The following BEND6 variants were observed in gnomAD, a reference collection of about 807,000 sequenced individuals.
The protein encoded by BEND6 is BEN domain containing 6, also known as BEN domain-containing protein 6.
In BEND6, 24 loss-of-function variants were observed where a neutral mutation model predicts 31.8. That is an observed-to-expected ratio of 0.75 (90% confidence interval 0.55 to 1.06). The LOEUF (loss-of-function observed/expected upper bound fraction) is 1.06. Ranked by LOEUF, BEND6 falls within the 50% of genes least tolerant of loss-of-function variation. The probability of loss-of-function intolerance (pLI) is 0.00; values close to 1 mark genes in which losing one functional copy is unlikely to be tolerated. For synonymous variants in BEND6, 109 were observed against 114.6 expected (o/e 0.95, Z 0.31); for missense variants, 294 against 327.4 (o/e 0.90, Z 0.79).
At chr6:56,987,433 A>T (rs1219829900) in intron 2 of BEND6, among the ~76,000 whole-genome samples, 2 of 152,130 alleles carry the variant, frequency 1.3e-5, no homozygotes, top group African/African-American at 4.8e-5. Flanking sequence ...GCCATTTCCA[A>T]TCTGTGGCCC....
At chr6:56,983,221 CAT>C (rs1471876614) in intron 2 of BEND6, among the ~76,000 whole-genome samples, 1 of 152,062 alleles carries the variant, frequency 6.6e-6, no homozygotes, top group Admixed American at 6.6e-5. Flanking sequence ...TTATAGGAAA[CAT>C]ATAGATAGTA....
chr6:56,998,152 T>A (rs1296533995), intron 3 of BEND6, among the ~76,000 whole-genome samples: 2 of 152,220 alleles, frequency 1.3e-5, no homozygotes, highest in Non-Finnish European at 2.9e-5. Flanking sequence ...TAGCAGGCCT[T>A]CTTGTAAAGC....
chr6:56,957,743 T>TA (rs925384383), intron 1 of BEND6, among the ~76,000 whole-genome samples: 81 of 152,316 alleles, frequency 5.3e-4, no homozygotes, highest in African/African-American at 1.9e-3. Flanking sequence ...TGACTTTTTT[T>TA]ATGAGAGTAA....
chr6:56,969,040 C>T (rs1825593325), intron 1 of BEND6, among the ~76,000 whole-genome samples: 1 of 151,358 alleles, frequency 6.6e-6, no homozygotes, highest in Non-Finnish European at 1.5e-5. Context: ...CGCCACTGCA[C>T]TCCAGCCTGG....
chr6:57,003,980 C>G (rs543999414), intron 3 of BEND6, among the ~76,000 whole-genome samples: 1 of 152,268 alleles, frequency 6.6e-6, no homozygotes, highest in East Asian at 1.9e-4. Flanking sequence ...AATCCAACAT[C>G]CTTTCTTGAT....
chr6:56,973,686 A>G (rs71564872), intron 1 of BEND6, among the ~76,000 whole-genome samples: 19,514 of 152,244 alleles, frequency 0.13, 1,464 homozygotes, highest in Middle Eastern at 0.2. Context: ...GGGACAGCTC[A>G]CATGCTGGGT....
intron 6 of BEND6, among the ~76,000 whole-genome samples, chr6:57,023,343 C>G (rs1827808930): frequency 6.6e-6 from 1 of 152,210 alleles, no homozygotes. Context: ...ATTATAGCCT[C>G]TTGCTGAAAT....
At chr6:57,010,931 A>T (rs963193910) in intron 3 of BEND6, 1 of 460,644 alleles carries the variant, frequency 2.2e-6, no homozygotes, top group African/African-American at 2.1e-5. Context: ...GAAAAATAAA[A>T]GATTAAAATG....
chr6:56,998,352 T>C (rs1826804624), intron 3 of BEND6, among the ~76,000 whole-genome samples: 1 of 152,224 alleles, frequency 6.6e-6, no homozygotes, highest in Non-Finnish European at 1.5e-5. Context: ...AGAATGAATA[T>C]GCTATTCTAG....
intron 2 of BEND6, among the ~76,000 whole-genome samples, chr6:56,986,969 T>TTTTG: frequency 6.8e-6 from 1 of 146,708 alleles, no homozygotes; most frequent in East Asian, 2.0e-4. Context: ...TTTGTGTTTC[T>TTTTG]TTTCTTTTTT....
intron 1 of BEND6, among the ~76,000 whole-genome samples, chr6:56,980,397 T>G (rs1345653602): frequency 6.6e-6 from 1 of 152,126 alleles, no homozygotes; most frequent in African/African-American, 2.4e-5. Flanking sequence ...CCATGTTGCC[T>G]AGGCTGGTCT....
At chr6:56,977,948 C>G (rs1825943063) in intron 1 of BEND6, among the ~76,000 whole-genome samples, 1 of 151,834 alleles carries the variant, frequency 6.6e-6, no homozygotes, top group Non-Finnish European at 1.5e-5. Flanking sequence ...CAGAGCAAGA[C>G]CCTATCTCAA....
chr6:56,970,250 A>G (rs940735895), intron 1 of BEND6, among the ~76,000 whole-genome samples: 8 of 151,894 alleles, frequency 5.3e-5, no homozygotes, highest in Admixed American at 2.0e-4. Flanking sequence ...GCTGGAGTGC[A>G]GTGGCATGAT....
chr6:57,022,031 CTCA>C (rs1335653861), intron 6 of BEND6, among the ~76,000 whole-genome samples: 2 of 152,112 alleles, frequency 1.3e-5, no homozygotes, highest in African/African-American at 4.8e-5. Context: ...TTGTATCTGG[CTCA>C]TCAGTGATGC....
intron 1 of BEND6, among the ~76,000 whole-genome samples, chr6:56,956,315 G>A (rs1440985479): frequency 1.3e-5 from 2 of 152,210 alleles, no homozygotes; most frequent in Non-Finnish European, 2.9e-5. Context: ...AAATAATTGG[G>A]AGGAATAAAA....
rs1167635061 is a variant in BEND6 at position 56,986,532 on chromosome 6, T to C, written c.120+4602T>C. ...TATAAAAATGTAGTTGTGTTTTCTA[T>C]AACTGATCTCATCTGGCTTTCAAGT... is the stretch of plus-strand genomic sequence containing the variant. On this transcript the variant is annotated intron_variant, in intron 2 of 6. Coordinates refer to ENST00000370746, the MANE Select transcript of BEND6 (RefSeq NM_152731.3). Among the ~76,000 whole-genome samples, 6 of 152,336 alleles carry C rather than the reference T, an allele frequency of 3.9e-5. No homozygotes were observed. In the South Asian group the frequency reaches 1.2e-3, roughly 32 times the overall value.
At chr6:57,008,260 A>G in intron 3 of BEND6, 2 of 702,532 alleles carry the variant, frequency 2.8e-6, no homozygotes. Context: ...CATCTCAGAT[A>G]CGGGTCCTGG....
intron 2 of BEND6, among the ~76,000 whole-genome samples, chr6:56,987,522 T>C (rs946986307): frequency 6.6e-6 from 1 of 152,214 alleles, no homozygotes; most frequent in Non-Finnish European, 1.5e-5. Flanking sequence ...GCCAGCCTGC[T>C]GTTCTGGGAT....
chr6:57,010,997 A>G (rs188694978), intron 3 of BEND6: 1 of 311,968 alleles, frequency 3.2e-6, no homozygotes, highest in East Asian at 1.7e-4. Context: ...ATAATGTGCT[A>G]GGCACTCTTG....
Sources: gnomAD v4.1 joint callset for allele counts (sites outside exome capture counted in the v4.1 genomes callset) on GRCh38, gnomAD v4.1.1 for gene constraint, MANE v1.5 for transcripts, NCBI Gene and HGNC (gene_info 2026-07-23, HGNC 2026-07-21) for gene names.